Variants in NOD1 observed in about 807,000 individuals in gnomAD.
NOD1 encodes the protein nucleotide binding oligomerization domain containing 1, also known as nucleotide-binding oligomerization domain-containing protein 1.
A neutral mutation model predicts 81.2 loss-of-function variants in NOD1; 70 were observed. The observed-to-expected ratio is 0.86, with a 90% CI of 0.71 to 1.05. The LOEUF is 1.05. Ranked by LOEUF, NOD1 falls within the 50% of genes least tolerant of loss-of-function variation. The pLI is 0.00. For synonymous variants in NOD1, 508 were observed against 526.9 expected, an observed-to-expected ratio of 0.96 and a Z score of 0.49; for missense variants, 1,233 against 1,228.0, an observed-to-expected ratio of 1.00 and a Z score of -0.06.
intron 3 of NOD1, among the ~76,000 whole-genome samples, chr7:30,457,370 G>A (rs1461717464): frequency 6.6e-6 from 1 of 152,104 alleles, no homozygotes; most frequent in Non-Finnish European, 1.5e-5. Context: ...AGGATCACAT[G>A]AGCACAAGAG....
chr7:30,425,511 A>G lies in NOD1; in HGVS notation c.*127T>C. On this transcript the variant is annotated 3_prime_UTR_variant, in exon 14 of 14. Coordinates refer to ENST00000222823, the MANE Select transcript of NOD1 (RefSeq NM_006092.4). ...CACAGGAAGCTGGCTTGCATCATGGAGGCAGTGGACTCCTGATAGTCCCGC... is the reference window on the plus strand; with the variant it reads ...CACAGGAAGCTGGCTTGCATCATGGGGGCAGTGGACTCCTGATAGTCCCGC... 1.4e-6 allele frequency: 1 copy of G among 715,380 alleles called. No individual in the cohort carries two copies. The highest frequency in any genetic ancestry group is 1.8e-5 in the African/African-American group (1 of 56,574). The allele number at this position is 715,380 out of a possible 1,614,324, so 44.3% of individuals were successfully genotyped here.
chr7:30,478,252 G>T lies in NOD1; in HGVS notation c.-352+354C>A, dbSNP rs939812457. On this transcript the variant is annotated intron_variant, in intron 1 of 13. Transcript: ENST00000222823. The surrounding 1 kb of genome is among the most constrained non-coding windows in gnomAD (Gnocchi z 4.1). ...CACTTGGGGAGCTTTTAAAAGATAC[G>T]GAGGCCTGGGTCTGACTCCGTGAGA... 6.6e-6 allele frequency among the ~76,000 whole-genome samples: 1 copy of T among 152,096 alleles called. No homozygotes were observed. Among genetic ancestry groups the T allele is most frequent in the Non-Finnish European group, 1.5e-5 (1 of 68,026 alleles).
intron 5 of NOD1, among the ~76,000 whole-genome samples, 189 bp downstream of exon 5, chr7:30,454,948 G>A (rs1786181145): frequency 1.3e-5 from 2 of 152,220 alleles, no homozygotes; most frequent in South Asian, 2.1e-4. Flanking sequence ...GACCATCGAG[G>A]TGTGGGCAGT....
At chr7:30,453,307 T>C (rs1317414367) in intron 5 of NOD1, among the ~76,000 whole-genome samples, 1 of 152,126 alleles carries the variant, frequency 6.6e-6, no homozygotes, top group East Asian at 1.9e-4. Context: ...CTGGGATCAG[T>C]GTCTGAGACA....
chr7:30,451,913 G>C lies in NOD1; in HGVS notation c.1504C>G (p.Pro502Ala). The C allele has an allele frequency of 6.2e-7, 1 of 1,613,528 alleles. No homozygotes were observed. Among genetic ancestry groups the C allele is most frequent in the South Asian group, 1.1e-5 (1 of 91,082 alleles). The change falls in exon 6 of 14, where the codon CCG becomes GCG. Residue 502 changes from proline to alanine, a missense_variant. Pro to Ala is a conservative substitution (Grantham distance 27). Coordinates refer to ENST00000222823, the MANE Select transcript of NOD1 (RefSeq NM_006092.4). This position sits in a 1 kb window ranked among gnomAD's most constrained non-coding sequence, Gnocchi z 4.2. The stretch of plus-strand genomic sequence containing the variant: ...TGGTCACCCCCGGGGCCCAGCTCCG[G>C]CAAAGCCCGCAGGAAGCCCAGCTGC... ...DMQLGFLRALPELGPGGDQQS... is the reference protein window; with the variant it reads ...DMQLGFLRALAELGPGGDQQS...
In NOD1 at chr7:30,467,044, C is replaced by T. The variant is rs1479104439; in HGVS notation, c.-351-7003G>A. 6.6e-6 allele frequency among the ~76,000 whole-genome samples: 1 copy of T among 152,142 alleles called. No homozygotes were observed. The highest frequency in any genetic ancestry group is 1.5e-5 in the Non-Finnish European group (1 of 68,018). ...TTGGTATCCCTAAAAGCCAAGCCGA[C>T]CAGTGATGAAAAAGAACACGGTGGA... On this transcript the variant is annotated intron_variant, in intron 1 of 13. Transcript: ENST00000222823. This position sits in a 1 kb window ranked among gnomAD's most constrained non-coding sequence, Gnocchi z 4.5.
chr7:30,467,972 G>C lies in NOD1; in HGVS notation c.-351-7931C>G, dbSNP rs575316946. On this transcript the variant is annotated intron_variant, in intron 1 of 13. Transcript: ENST00000222823. The surrounding 1 kb of genome is among the most constrained non-coding windows in gnomAD (Gnocchi z 4.5). ...CTGCCTCGACCTCCCAAAGTGCTAG[G>C]ATTACAGGAGTGAGCCACCGCACCC... is the stretch of plus-strand genomic sequence containing the variant. 7.9e-4 allele frequency among the ~76,000 whole-genome samples: 121 copies of C among 152,214 alleles called. No homozygotes were observed. Among genetic ancestry groups the C allele is most frequent in the African/African-American group, 2.8e-3 (118 of 41,536 alleles).
In NOD1 at chr7:30,425,711, C is replaced by T; in HGVS notation, c.2790-1G>A. 6.2e-7 allele frequency: 1 copy of T among 1,611,398 alleles called. No individual in the cohort carries two copies. Among genetic ancestry groups the T allele is most frequent in the East Asian group, 2.2e-5 (1 of 44,868 alleles). ...TGGTTTTATCAGGTTTCCATTTAGGCTGTTGAAAAGGAGGAAGACAAAAGT... is the reference window on the plus strand; with the variant it reads ...TGGTTTTATCAGGTTTCCATTTAGGTTGTTGAAAAGGAGGAAGACAAAAGT... On this transcript the variant is annotated splice_acceptor_variant, in intron 13 of 13. Transcript: ENST00000222823. LOFTEE classifies it high-confidence loss of function.
At chr7:30,428,461 C>T (rs1167385331) in intron 13 of NOD1, 1 of 152,222 alleles carries the variant, frequency 6.6e-6, no homozygotes, top group Admixed American at 6.5e-5. Context: ...CACCCACTCA[C>T]ATGCAAGCAT....
rs928006757 is a variant in NOD1 at position 30,439,280 on chromosome 7, G to A, written c.2454-1624C>T. Among the ~76,000 whole-genome samples, 3 of 141,146 alleles carry A rather than the reference G, an allele frequency of 2.1e-5. 1 individual carries two copies. Among genetic ancestry groups the A allele is most frequent in the African/African-American group, 9.6e-5 (3 of 31,218 alleles). The allele number at this position is 141,146 out of a possible 152,430, so 92.6% of individuals were successfully genotyped here. A position where few individuals can be genotyped will look rare whatever the true frequency, so the allele number is the denominator to read the frequency against. ...AAGATGGCCGAATAGGAACAGCTCC[G>A]GTCTACAGCTCCCAGCGTGAGCGAC... On this transcript the variant is annotated intron_variant, in intron 9 of 13. Coordinates refer to ENST00000222823, the MANE Select transcript of NOD1 (RefSeq NM_006092.4).
chr7:30,477,351 C>T (rs1212100634), intron 1 of NOD1, among the ~76,000 whole-genome samples: 1 of 152,164 alleles, frequency 6.6e-6, no homozygotes, highest in Non-Finnish European at 1.5e-5. Context: ...GGCATCTAAG[C>T]CTGGGTGAGA....
intron 13 of NOD1, among the ~76,000 whole-genome samples, chr7:30,427,571 A>T (rs1783563654): frequency 6.6e-6 from 1 of 152,138 alleles, no homozygotes; most frequent in Admixed American, 6.5e-5. Flanking sequence ...CTCCCAGAAC[A>T]AGCCAGGGAC....
chr7:30,451,114 G>A lies in NOD1; in HGVS notation c.2201+102C>T. 3.0e-6 allele frequency: 4 copies of A among 1,335,526 alleles called. No individual in the cohort carries two copies. The highest frequency in any genetic ancestry group is 4.1e-6 in the Non-Finnish European group (4 of 986,226). The allele number at this position is 1,335,526 out of a possible 1,614,324, so 82.7% of individuals were successfully genotyped here. A position where few individuals can be genotyped will look rare whatever the true frequency, so the allele number is the denominator to read the frequency against. On this transcript the variant is annotated intron_variant, in intron 6 of 13. Transcript: ENST00000222823. The surrounding 1 kb of genome is among the most constrained non-coding windows in gnomAD (Gnocchi z 4.2). ...AGGTCTGGACATTCCAAGGGCCATG[G>A]TCATGAGTCCTGGGGGATCCTGGTC...
rs1021953015 is a variant in NOD1 at position 30,433,356 on chromosome 7, T to G, written c.2622-177A>C. 3 of 584,164 alleles carry G rather than the reference T, an allele frequency of 5.1e-6. No homozygotes were observed. In the African/African-American group the frequency reaches 5.6e-5, roughly 11 times the overall value. The allele number at this position is 584,164 out of a possible 1,614,324, so 36.2% of individuals were successfully genotyped here. A position where few individuals can be genotyped will look rare whatever the true frequency, so the allele number is the denominator to read the frequency against. ...GCCTGTCAGCCCCACAGAAGGTCAA[T>G]GGGACTCATTTTTAATGCAAATCCT... On this transcript the variant is annotated intron_variant, in intron 11 of 13. Coordinates refer to ENST00000222823, the MANE Select transcript of NOD1 (RefSeq NM_006092.4).
chr7:30,476,649 T>G (rs909963457), intron 1 of NOD1, among the ~76,000 whole-genome samples: 14 of 152,336 alleles, frequency 9.2e-5, no homozygotes, highest in Non-Finnish European at 2.1e-4. Context: ...GATATATATG[T>G]GGCAACAGAG....
At chr7:30,460,195 A>T (rs1166771203) in intron 1 of NOD1, 154 bp from the exon 2 acceptor site, 11 of 966,322 alleles carry the variant, frequency 1.1e-5, no homozygotes, top group Non-Finnish European at 1.4e-5. Context: ...AAAGCAGAGA[A>T]ACTGAACTCT....
At position 30,425,843 on chromosome 7, in the gene NOD1, T is replaced by TA. The variant is rs1359051523; in HGVS notation, c.2790-134dup. The TA allele has an allele frequency of 1.5e-5, 11 of 713,864 alleles. No individual in the cohort carries two copies. In the East Asian group the frequency reaches 2.6e-4, roughly 17 times the overall value. 44.2% of individuals were successfully genotyped at this position (713,864 alleles called of 1,614,324 possible). A position where few individuals can be genotyped will look rare whatever the true frequency, so the allele number is the denominator to read the frequency against. On this transcript the variant is annotated intron_variant, in intron 13 of 13. Coordinates refer to ENST00000222823, the MANE Select transcript of NOD1 (RefSeq NM_006092.4). ...CATGTATCCCTGAAATTAAGGAACA[T>TA]ACCCTTTGCAGATAGTTCCTTCATA...
chr7:30,429,400 C>T lies in NOD1; in HGVS notation c.2763G>A (p.Gln921=), dbSNP rs555869187. The T allele has an allele frequency of 1.1e-5, 17 of 1,614,208 alleles. No homozygotes were observed. In the East Asian group the frequency reaches 3.3e-4, roughly 32 times the overall value. ...KGTAQLADAL[Q]SNTGITEICL... ...AAATCTCTGTTATGCCAGTGTTGCT[C>T]TGTAACGCATCTGCCAGCTGGGCAG... is the stretch of plus-strand genomic sequence containing the variant. The change falls in exon 13 of 14, where the codon CAG becomes CAA. Residue 921 remains glutamine (Q), a synonymous_variant. Transcript: ENST00000222823.
intron 8 of NOD1, 92 bp from the exon 9 acceptor site, chr7:30,446,316 C>G: frequency 1.1e-6 from 1 of 933,958 alleles, no homozygotes; most frequent in Admixed American, 1.7e-5. Context: ...CCTTCCAGCC[C>G]CATCTTGGGA....
Sources: gnomAD v4.1 joint callset for allele counts (sites outside exome capture counted in the v4.1 genomes callset) on GRCh38, gnomAD v4.1.1 for gene constraint, Gnocchi (gnomAD v3.1) non-coding constraint, MANE v1.5 for transcripts, NCBI Gene and HGNC (gene_info 2026-07-23, HGNC 2026-07-21) for gene names.